The following CMIP variants were observed in gnomAD, a reference collection of about 807,000 sequenced individuals.
The protein encoded by CMIP is C-Maf-inducing protein.
In CMIP, 13 loss-of-function variants were observed where a neutral mutation model predicts 97.3. The ratio of observed to expected loss-of-function variants is 0.13; its 90% CI spans 0.09 to 0.21. The LOEUF is 0.21. CMIP is among the 10% of genes least tolerant of loss of function. The pLI is 1.00. For synonymous variants in CMIP, 538 were observed against 436.3 expected (o/e 1.23, Z -2.91); for missense variants, 847 against 1,024.9 (o/e 0.83, Z 2.37).
At chr16:81,629,940 C>G (rs2092131323) in intron 3 of CMIP, among the ~76,000 whole-genome samples, 1 of 152,240 alleles carries the variant, frequency 6.6e-6, no homozygotes, top group Non-Finnish European at 1.5e-5. Flanking sequence ...GGGCAGATTT[C>G]TAGAAGTGGT....
rs906561564 is a variant in CMIP, at chr16:81,616,026, C to A, written c.427-4850C>A. Among the ~76,000 whole-genome samples the A allele has an allele frequency of 4.1e-5, 6 of 147,088 alleles. No homozygotes were observed. The highest frequency in any genetic ancestry group is 1.2e-4 in the African/African-American group (5 of 40,362). On this transcript the variant is annotated intron_variant, in intron 2 of 20. Transcript: ENST00000537098. This position sits in a 1 kb window ranked among gnomAD's most constrained non-coding sequence, Gnocchi z 4.7. ...GCACTGGGGCAGAAGGAGCCGGGCG[C>A]GGTGGGTGGGAGATCTTGGCTGTCT...
intron 3 of CMIP, among the ~76,000 whole-genome samples, chr16:81,647,559 C>T (rs1384065304): frequency 6.6e-6 from 1 of 152,150 alleles, no homozygotes; most frequent in Non-Finnish European, 1.5e-5. Context: ...CAGAAGAATC[C>T]AGTGGCCTGT....
chr16:81,578,126 CCATCACCAT>C (rs1249308842), intron 1 of CMIP, among the ~76,000 whole-genome samples: 3 of 151,890 alleles, frequency 2.0e-5, no homozygotes, highest in African/African-American at 2.4e-5. Flanking sequence ...ATCACTATCA[CCATCACCAT>C]CATCACCATC....
intron 1 of CMIP, among the ~76,000 whole-genome samples, chr16:81,574,205 G>A (rs1367528059): frequency 6.6e-6 from 1 of 152,242 alleles, no homozygotes; most frequent in African/African-American, 2.4e-5. Context: ...GCCTGGCTGA[G>A]GGCCCAGGGA....
chr16:81,452,925 A>G (rs1238772049), intron 1 of CMIP, among the ~76,000 whole-genome samples: 3 of 145,624 alleles, frequency 2.1e-5, no homozygotes, highest in African/African-American at 7.7e-5. Context: ...CTGCCTCCCA[A>G]TAAATAGTGA....
intron 1 of CMIP, among the ~76,000 whole-genome samples, chr16:81,545,803 C>G (rs761836398): frequency 6.6e-6 from 1 of 152,182 alleles, no homozygotes; most frequent in East Asian, 1.9e-4. Context: ...CCCGTGGGCC[C>G]CAGGGTCTTT....
intron 1 of CMIP, among the ~76,000 whole-genome samples, chr16:81,452,014 T>G (rs1239668999): frequency 6.6e-6 from 1 of 152,186 alleles, no homozygotes; most frequent in Non-Finnish European, 1.5e-5. Flanking sequence ...GACGTGCGTG[T>G]GGGGGAGGTG....
At chr16:81,498,563 C>T (rs1388936657) in intron 1 of CMIP, among the ~76,000 whole-genome samples, 2 of 152,234 alleles carry the variant, frequency 1.3e-5, no homozygotes, top group Non-Finnish European at 2.9e-5. Context: ...TTCCACCTGA[C>T]TCATGGCTCC....
chr16:81,642,516 T>A (rs753189606), intron 3 of CMIP, among the ~76,000 whole-genome samples: 3 of 152,148 alleles, frequency 2.0e-5, no homozygotes, highest in Non-Finnish European at 2.9e-5. Context: ...GTGGCAAAAT[T>A]TAAACTGATT....
chr16:81,605,357 C>T (rs1246423551), intron 1 of CMIP, among the ~76,000 whole-genome samples: 1 of 152,214 alleles, frequency 6.6e-6, no homozygotes, highest in Non-Finnish European at 1.5e-5. Flanking sequence ...ATGAACGCAG[C>T]TGCCTCCTCC....
intron 2 of CMIP, among the ~76,000 whole-genome samples, chr16:81,608,824 A>T (rs1040003172): frequency 7.2e-5 from 11 of 152,250 alleles, no homozygotes; most frequent in Non-Finnish European, 2.9e-5. Flanking sequence ...ATCAGTGGGA[A>T]GAAGACCTGC....
At chr16:81,613,853 A>G (rs374761207) in intron 2 of CMIP, among the ~76,000 whole-genome samples, 2 of 152,110 alleles carry the variant, frequency 1.3e-5, no homozygotes, top group East Asian at 3.9e-4. Flanking sequence ...TTTTCCATCC[A>G]TCCATGTCTC....
intron 14 of CMIP, 37 bp downstream of exon 14, chr16:81,696,704 G>T (rs781590127): frequency 3.8e-6 from 6 of 1,579,346 alleles, no homozygotes; most frequent in South Asian, 1.1e-5. Flanking sequence ...ACTTCCAGGG[G>T]TCCCTGGGCT....
chr16:81,501,012 T>A (rs1027592249), intron 1 of CMIP, among the ~76,000 whole-genome samples: 2 of 152,236 alleles, frequency 1.3e-5, no homozygotes, highest in African/African-American at 4.8e-5. Context: ...TACGAGCAAA[T>A]CTGGTGGTTA....
intron 1 of CMIP, among the ~76,000 whole-genome samples, chr16:81,488,129 C>A (rs1008062816): frequency 8.4e-6 from 1 of 118,660 alleles, no homozygotes; most frequent in African/African-American, 3.2e-5. Flanking sequence ...TTATTGGCTG[C>A]ATGACCTTAG....
intron 3 of CMIP, among the ~76,000 whole-genome samples, chr16:81,623,646 A>G (rs1397753101): frequency 6.6e-6 from 1 of 152,188 alleles, no homozygotes; most frequent in East Asian, 1.9e-4. Context: ...GTGATATTTG[A>G]GAAGGCATGC....
intron 1 of CMIP, chr16:81,476,151 G>T: frequency 1.8e-6 from 2 of 1,091,408 alleles, no homozygotes; most frequent in Non-Finnish European, 2.8e-6. Flanking sequence ...ACGTGCTTGC[G>T]TTCAACCACT....
intron 1 of CMIP, among the ~76,000 whole-genome samples, chr16:81,570,125 G>C (rs1459085811): frequency 6.6e-6 from 1 of 152,200 alleles, no homozygotes; most frequent in African/African-American, 2.4e-5. Flanking sequence ...AGACGGGCTT[G>C]TCTGGATCCT....
chr16:81,506,445 C>G (rs950177100), intron 1 of CMIP, among the ~76,000 whole-genome samples: 1 of 152,200 alleles, frequency 6.6e-6, no homozygotes, highest in Non-Finnish European at 1.5e-5. Flanking sequence ...CTCATTCTTC[C>G]TTACATTGCA....
Sources: allele counts gnomAD v4.1 joint callset (sites outside exome capture counted in the v4.1 genomes callset), GRCh38; gene constraint gnomAD v4.1.1; non-coding constraint Gnocchi (gnomAD v3.1); transcripts MANE v1.5; gene names NCBI Gene and HGNC (gene_info 2026-07-23, HGNC 2026-07-21).